Variants in DENND6A observed in about 807,000 individuals in gnomAD.
DENND6A encodes the protein protein DENND6A.
A neutral mutation model predicts 95.5 loss-of-function variants in DENND6A; 43 were observed. The observed-to-expected ratio is 0.45, with a 90% confidence interval of 0.35 to 0.58. DENND6A has a LOEUF of 0.58. Ranked by LOEUF, DENND6A falls within the 20% of genes least tolerant of loss-of-function variation. DENND6A has a pLI of 0.00. For synonymous variants in DENND6A, 257 were observed against 260.4 expected, an observed-to-expected ratio of 0.99 and a Z score of 0.13; for missense variants, 574 against 736.0, an observed-to-expected ratio of 0.78 and a Z score of 2.55.
At chr3:57,691,776 A>C (rs1315980466) in intron 1 of DENND6A, among the ~76,000 whole-genome samples, 1 of 152,118 alleles carries the variant, frequency 6.6e-6, no homozygotes, top group Non-Finnish European at 1.5e-5. Flanking sequence ...TTATGCTAAA[A>C]AGACCTTCAA....
intron 12 of DENND6A, among the ~76,000 whole-genome samples, chr3:57,641,371 T>G (rs1178991311): frequency 6.9e-6 from 1 of 145,866 alleles, no homozygotes; most frequent in African/African-American, 2.5e-5. Flanking sequence ...TATATAAAGC[T>G]AACATTTTTA....
intron 8 of DENND6A, among the ~76,000 whole-genome samples, chr3:57,658,713 CT>C (rs989197419): frequency 5.3e-5 from 8 of 152,106 alleles, no homozygotes; most frequent in African/African-American, 1.9e-4. Flanking sequence ...CAAATGAAAA[CT>C]TCAACCCCAC....
Position 57,628,321 on chromosome 3 carries a change from G to T in DENND6A, c.1720C>A (p.Pro574Thr). The T allele has an allele frequency of 6.2e-7, 1 of 1,614,060 alleles. No individual in the cohort carries two copies. Among genetic ancestry groups the T allele is most frequent in the Non-Finnish European group, 8.5e-7 (1 of 1,179,980 alleles). Residue 574 changes from proline to threonine, a missense_variant, in exon 20 of 20, where the codon CCT becomes ACT. Pro to Thr is a conservative substitution (Grantham distance 38). Coordinates refer to ENST00000311128, the MANE Select transcript of DENND6A (RefSeq NM_152678.3). ...TTTTCCATAGTGTCAGGTTTCACAGGTAAGTGCTCTCGATCAGCCTGCAAC... is the reference window on the plus strand; with the variant it reads ...TTTTCCATAGTGTCAGGTTTCACAGTTAAGTGCTCTCGATCAGCCTGCAAC... ...KLLQADREHL[P>T]VKPDTMEKLR...
At chr3:57,659,080 T>C (rs1476412847) in intron 8 of DENND6A, 38 bp downstream of exon 8, 4 of 1,602,290 alleles carry the variant, frequency 2.5e-6, no homozygotes, top group East Asian at 2.2e-5. Context: ...AAAGAGACTA[T>C]ATATGTGCTG....
At chr3:57,691,264 T>C (rs1017527511) in intron 1 of DENND6A, among the ~76,000 whole-genome samples, 1 of 152,008 alleles carries the variant, frequency 6.6e-6, no homozygotes, top group African/African-American at 2.4e-5. Context: ...GGCTTATAAA[T>C]CTCTTACTCA....
In DENND6A at chr3:57,692,785, C is replaced by A. The variant is rs1409589825; in HGVS notation, c.234G>T (p.Val78=). 3.3e-6 allele frequency: 5 copies of A among 1,523,996 alleles called. No individual in the cohort carries two copies. Among genetic ancestry groups the A allele is most frequent in the East Asian group, 5.5e-5 (2 of 36,310 alleles). 94.4% of individuals were successfully genotyped at this position (1,523,996 alleles called of 1,614,324 possible). ...AAAGGGCGGGGCCGGGCCTCACCTC[C>A]ACGGCCTGGCCCAGCTCCAGGTCGA... The part of the protein sequence containing the change: ...VGFDLELGQA[V]EVIYPQHSKL... Residue 78 remains valine (V), a synonymous_variant, in exon 1 of 20, where the codon GTG becomes GTT. Transcript: ENST00000311128.
intron 15 of DENND6A, among the ~76,000 whole-genome samples, chr3:57,632,000 G>A (rs1203354056): frequency 1.5e-4 from 19 of 127,462 alleles, no homozygotes; most frequent in Middle Eastern, 7.1e-3. Context: ...GGGATTACAG[G>A]CGTGAGCCAC....
chr3:57,637,805 C>CA lies in DENND6A; in HGVS notation c.1133-3037dup, dbSNP rs1179151185. On this transcript the variant is annotated intron_variant, in intron 12 of 19. Transcript: ENST00000311128. The stretch of plus-strand genomic sequence containing the variant: ...GCAGAAGAAAAAGAACAGAAGAAAA[C>CA]AAAAAAAATAAATAAATAAGACTAT... 4.5e-3 allele frequency among the ~76,000 whole-genome samples: 264 copies of CA among 58,254 alleles called. 1 individual carries two copies. The highest frequency in any genetic ancestry group is 9.3e-3 in the African/African-American group (250 of 27,010). The allele number at this position is 58,254 out of a possible 152,430, so 38.2% of individuals were successfully genotyped here.
At position 57,652,048 on chromosome 3, in the gene DENND6A, T is replaced by TAAAAA. The variant is rs1290471072; in HGVS notation, c.819-5615_819-5611dup. Among the ~76,000 whole-genome samples, 31 of 151,812 alleles carry TAAAAA rather than the reference T, an allele frequency of 2.0e-4. No homozygotes were observed. In the East Asian group the frequency reaches 5.8e-3, roughly 28 times the overall value. Reference sequence around the variant, plus strand: ...CACCCTCTCTACAAAAATAATAAAATAAAAATAAAAATAAATAAATAAATA... The same window carrying TAAAAA: ...CACCCTCTCTACAAAAATAATAAAATAAAAAAAAAATAAAAATAAATAAATAAATA... On this transcript the variant is annotated intron_variant, in intron 9 of 19. Transcript: ENST00000311128.
At chr3:57,682,421 ACTTTCCT>A (rs1362507107) in intron 1 of DENND6A, among the ~76,000 whole-genome samples, 1 of 152,034 alleles carries the variant, frequency 6.6e-6, no homozygotes, top group East Asian at 1.9e-4. Context: ...GATGCTTTGA[ACTTTCCT>A]GCTTCTTCCC....
chr3:57,645,879 G>A (rs928516515), intron 10 of DENND6A, 123 bp from the exon 11 acceptor site: 3 of 662,642 alleles, frequency 4.5e-6, no homozygotes, highest in South Asian at 2.0e-5. Flanking sequence ...TTTAATAAAT[G>A]GTAAACTCAT....
At chr3:57,657,814 C>T (rs976269794) in intron 8 of DENND6A, 79 bp from the exon 9 acceptor site, 101 of 855,134 alleles carry the variant, frequency 1.2e-4, no homozygotes, top group Non-Finnish European at 1.6e-4. Flanking sequence ...ATCTCATGAT[C>T]AATAAGCCAT....
intron 1 of DENND6A, among the ~76,000 whole-genome samples, chr3:57,684,289 G>A (rs562333350): frequency 1.8e-4 from 28 of 151,458 alleles, no homozygotes; most frequent in Middle Eastern, 3.5e-3. Context: ...GTGAAACCCC[G>A]TCGTCTCTAC....
At chr3:57,646,679 T>C (rs1158486640) in intron 9 of DENND6A, among the ~76,000 whole-genome samples, 1 of 152,188 alleles carries the variant, frequency 6.6e-6, no homozygotes, top group Non-Finnish European at 1.5e-5. Flanking sequence ...ATGTAATATA[T>C]TGACACACAG....
chr3:57,691,669 CAA>C (rs71091304), intron 1 of DENND6A, among the ~76,000 whole-genome samples: 15,222 of 93,658 alleles, frequency 0.16, 926 homozygotes, highest in African/African-American at 0.21. Context: ...TCACCAATAC[CAA>C]AAAAAAAAAA....
intron 3 of DENND6A, among the ~76,000 whole-genome samples, chr3:57,668,427 T>A (rs897891825): frequency 6.6e-6 from 1 of 152,216 alleles, no homozygotes; most frequent in South Asian, 2.1e-4. Context: ...ATACAGTGAC[T>A]TCTGTCCTTG....
At chr3:57,685,678 G>A (rs2077205530) in intron 1 of DENND6A, among the ~76,000 whole-genome samples, 1 of 151,994 alleles carries the variant, frequency 6.6e-6, no homozygotes, top group South Asian at 2.1e-4. Context: ...TATCTTTAAT[G>A]TCTGATTTAA....
chr3:57,655,414 C>T (rs370809035), intron 9 of DENND6A, among the ~76,000 whole-genome samples: 13 of 152,198 alleles, frequency 8.5e-5, no homozygotes, highest in African/African-American at 2.7e-4. Context: ...GGAGACAAGA[C>T]ATGTGCTAAT....
At chr3:57,654,934 A>C (rs142804885) in intron 9 of DENND6A, 24 of 321,230 alleles carry the variant, frequency 7.5e-5, no homozygotes, top group African/African-American at 5.4e-4. Flanking sequence ...GTCACAAATA[A>C]AGCATTAATC....
Sources: gnomAD v4.1 joint callset for allele counts (sites outside exome capture counted in the v4.1 genomes callset) on GRCh38, gnomAD v4.1.1 for gene constraint, MANE v1.5 for transcripts, NCBI Gene and HGNC (gene_info 2026-07-23, HGNC 2026-07-21) for gene names.